PIAS4: variants seen among roughly 807,000 people sequenced by gnomAD.
The protein encoded by PIAS4 is E3 SUMO-protein ligase PIAS4.
Under a neutral mutation model 58.0 loss-of-function variants are expected in PIAS4, and 7 were observed. The ratio of observed to expected loss-of-function variants is 0.12; its 90% CI spans 0.07 to 0.23. PIAS4 has a LOEUF of 0.23. PIAS4 is among the 10% of genes least tolerant of loss of function. PIAS4 has a pLI of 1.00. For synonymous variants in PIAS4, 364 were observed against 312.4 expected (o/e 1.17, Z -1.74); for missense variants, 550 against 709.5 (o/e 0.78, Z 2.55).
chr19:4,035,869 T>TAACACACACA (rs2040271627), intron 9 of PIAS4, among the ~76,000 whole-genome samples: 1 of 2,510 alleles, frequency 4.0e-4, no homozygotes, highest in African/African-American at 1.3e-3. Flanking sequence ...GTCCACACCG[T>TAACACACACA]CTCACACACA....
At chr19:4,016,023 A>G (rs1421531104) in intron 2 of PIAS4, among the ~76,000 whole-genome samples, 1 of 152,208 alleles carries the variant, frequency 6.6e-6, no homozygotes, top group Non-Finnish European at 1.5e-5. Context: ...GAACGGCCCA[A>G]GGTCGCACAG....
Position 4,038,019 on chromosome 19 carries a change from C to A in PIAS4, c.*144C>A. ...CCACCCTTTTGCCTGGCTCCTGGCA[C>A]CTGTACCTCTGGACTCTCCTATCGG... On this transcript the variant is annotated 3_prime_UTR_variant, in exon 11 of 11. Coordinates refer to ENST00000262971, the MANE Select transcript of PIAS4 (RefSeq NM_015897.4). This position sits in a 1 kb window ranked among gnomAD's most constrained non-coding sequence, Gnocchi z 4.1. 4 of 768,902 alleles carry A rather than the reference C, an allele frequency of 5.2e-6. No homozygotes were observed. Among genetic ancestry groups the A allele is most frequent in the Non-Finnish European group, 8.2e-6 (4 of 485,432 alleles). The allele number at this position is 768,902 out of a possible 1,614,324, so 47.6% of individuals were successfully genotyped here.
Position 4,038,022 on chromosome 19 carries a change from G to A in PIAS4, c.*147G>A. 1.3e-6 allele frequency: 1 copy of A among 749,020 alleles called. No individual in the cohort carries two copies. Among genetic ancestry groups the A allele is most frequent in the Non-Finnish European group, 2.1e-6 (1 of 468,116 alleles). The allele number at this position is 749,020 out of a possible 1,614,324, so 46.4% of individuals were successfully genotyped here. ...CCCTTTTGCCTGGCTCCTGGCACCT[G>A]TACCTCTGGACTCTCCTATCGGGGG... On this transcript the variant is annotated 3_prime_UTR_variant, in exon 11 of 11. Transcript: ENST00000262971. This position sits in a 1 kb window ranked among gnomAD's most constrained non-coding sequence, Gnocchi z 4.1.
At chr19:4,014,623 C>T (rs1012710891) in intron 2 of PIAS4, among the ~76,000 whole-genome samples, 2 of 152,228 alleles carry the variant, frequency 1.3e-5, no homozygotes, top group Admixed American at 6.5e-5. Context: ...GCGTGATGGG[C>T]ACCAGGCGTG....
Position 4,023,784 on chromosome 19 carries a change from C to T in PIAS4, c.455-252C>T, listed in dbSNP as rs143947473. 9.8e-4 allele frequency among the ~76,000 whole-genome samples: 149 copies of T among 152,316 alleles called. 1 individual carries two copies. Among genetic ancestry groups the T allele is most frequent in the Middle Eastern group, 6.8e-3 (2 of 294 alleles). On this transcript the variant is annotated intron_variant, in intron 2 of 10. Coordinates refer to ENST00000262971, the MANE Select transcript of PIAS4 (RefSeq NM_015897.4). ...GTAGACGCCTGCATCCCACAGGCTG[C>T]GAAGGTCACCCAGCAATCTGAGTGG...
In PIAS4 at chr19:4,037,592, G is replaced by A; in HGVS notation, c.1274-24G>A. 29 of 1,608,004 alleles carry A rather than the reference G, an allele frequency of 1.8e-5. No individual in the cohort carries two copies. The highest frequency in any genetic ancestry group is 2.4e-5 in the Non-Finnish European group (28 of 1,179,758). Reference sequence around the variant, plus strand: ...ATCAGTGGTTGCATCCTAAGTACCTGCACCCTGTCCCTGTTGCCCGTAGGC... The same window carrying A: ...ATCAGTGGTTGCATCCTAAGTACCTACACCCTGTCCCTGTTGCCCGTAGGC... On this transcript the variant is annotated intron_variant, in intron 10 of 10. Coordinates refer to ENST00000262971, the MANE Select transcript of PIAS4 (RefSeq NM_015897.4). This position sits in a 1 kb window ranked among gnomAD's most constrained non-coding sequence, Gnocchi z 5.8.
At position 4,037,074 on chromosome 19, in the gene PIAS4, C is replaced by T. The variant is rs1022398891; in HGVS notation, c.1143-300C>T. On this transcript the variant is annotated intron_variant, in intron 9 of 10. Coordinates refer to ENST00000262971, the MANE Select transcript of PIAS4 (RefSeq NM_015897.4). The surrounding 1 kb of genome is among the most constrained non-coding windows in gnomAD (Gnocchi z 5.8). ...CCAGAGGGGCAGGGTGGGGAGGACCCCTGCAGCTGCCACACTCCCTGCTCT... is the reference window on the plus strand; with the variant it reads ...CCAGAGGGGCAGGGTGGGGAGGACCTCTGCAGCTGCCACACTCCCTGCTCT... Among the ~76,000 whole-genome samples, 15 of 151,698 alleles carry T rather than the reference C, an allele frequency of 9.9e-5. No individual in the cohort carries two copies. Among genetic ancestry groups the T allele is most frequent in the Admixed American group, 6.0e-4 (9 of 14,966 alleles).
In PIAS4 at chr19:4,037,967, CT is replaced by C. The variant is rs2040319543; in HGVS notation, c.*97del. On this transcript the variant is annotated 3_prime_UTR_variant, in exon 11 of 11. Transcript: ENST00000262971. The surrounding 1 kb of genome is among the most constrained non-coding windows in gnomAD (Gnocchi z 5.8). The stretch of plus-strand genomic sequence containing the variant: ...AGAGGGAGGAGTGACCTTTCTTTTT[CT>C]TTTTATTGTCGTTCGTTTTGTTTTT... 1.0e-5 allele frequency: 14 copies of C among 1,357,792 alleles called. No homozygotes were observed. The highest frequency in any genetic ancestry group is 1.4e-5 in the Non-Finnish European group (14 of 1,011,610). The allele number at this position is 1,357,792 out of a possible 1,614,324, so 84.1% of individuals were successfully genotyped here.
At position 4,037,952 on chromosome 19, in the gene PIAS4, G is replaced by A. The variant is rs1568223863; in HGVS notation, c.*77G>A. 2.8e-6 allele frequency: 4 copies of A among 1,424,246 alleles called. No individual in the cohort carries two copies. The East Asian group carries it at 9.8e-5, about 35-fold the overall frequency. The allele number at this position is 1,424,246 out of a possible 1,614,324, so 88.2% of individuals were successfully genotyped here. On this transcript the variant is annotated 3_prime_UTR_variant, in exon 11 of 11. Transcript: ENST00000262971. This position sits in a 1 kb window ranked among gnomAD's most constrained non-coding sequence, Gnocchi z 5.8. Reference sequence around the variant, plus strand: ...GCCAGCCTCGGGCGCAGAGGGAGGAGTGACCTTTCTTTTTCTTTTTATTGT... The same window carrying A: ...GCCAGCCTCGGGCGCAGAGGGAGGAATGACCTTTCTTTTTCTTTTTATTGT...
chr19:4,023,045 C>T (rs957621049), intron 2 of PIAS4, among the ~76,000 whole-genome samples: 1 of 151,432 alleles, frequency 6.6e-6, no homozygotes, highest in Non-Finnish European at 1.5e-5. Context: ...GTGGCTCATG[C>T]CTGTAATCCC....
At chr19:4,027,535 G>C (rs908395014) in intron 3 of PIAS4, among the ~76,000 whole-genome samples, 4 of 145,376 alleles carry the variant, frequency 2.8e-5, no homozygotes, top group Admixed American at 6.8e-5. Flanking sequence ...GGCGTTTCTT[G>C]TTAAAGTTTA....
At chr19:4,011,496 G>A (rs2039991638) in intron 1 of PIAS4, among the ~76,000 whole-genome samples, 1 of 152,240 alleles carries the variant, frequency 6.6e-6, no homozygotes, top group Non-Finnish European at 1.5e-5. Context: ...TTATTTCGCT[G>A]GAGAGGCCCG....
intron 1 of PIAS4, among the ~76,000 whole-genome samples, chr19:4,008,826 T>G (rs2039967139): frequency 2.0e-5 from 3 of 151,190 alleles, no homozygotes; most frequent in Admixed American, 2.0e-4. Context: ...CCAACTTTGG[T>G]TTCTAAGGTC....
At chr19:4,019,291 C>T (rs1307118775) in intron 2 of PIAS4, among the ~76,000 whole-genome samples, 3 of 152,136 alleles carry the variant, frequency 2.0e-5, no homozygotes, top group African/African-American at 7.2e-5. Flanking sequence ...GCCAGTGGCA[C>T]AGCAGTGAGA....
chr19:4,011,014 C>G (rs112368514), intron 1 of PIAS4, among the ~76,000 whole-genome samples: 1 of 152,206 alleles, frequency 6.6e-6, no homozygotes, highest in Non-Finnish European at 1.5e-5. Flanking sequence ...CAGTGGGCCC[C>G]GGCTGCTGCA....
chr19:4,019,943 G>T (rs1214738879), intron 2 of PIAS4, among the ~76,000 whole-genome samples: 1 of 151,302 alleles, frequency 6.6e-6, no homozygotes, highest in South Asian at 2.1e-4. Context: ...TTTTGAAATG[G>T]AGTCTCGCTG....
chr19:4,013,231 C>T lies in PIAS4; in HGVS notation c.336C>T (p.Tyr112=), dbSNP rs2289866. The T allele has an allele frequency of 5.1e-4, 830 of 1,613,540 alleles. 8 individuals carry two copies. In the East Asian group the frequency reaches 0.016, roughly 32 times the overall value. Residue 112 remains tyrosine (Y), a synonymous_variant, in exon 2 of 11, where the codon TAC becomes TAT. Transcript: ENST00000262971. The surrounding 1 kb of genome is among the most constrained non-coding windows in gnomAD (Gnocchi z 5.1). The stretch of plus-strand genomic sequence containing the variant: ...CCAATATTGACTACCCCGTGCTCTA[C>T]GGAAAGTACTTAAACGGACTGGGAC... The part of the protein sequence containing the change: ...AGPNIDYPVL[Y]GKYLNGLGRL...
chr19:4,036,046 A>G (rs2040277677), intron 9 of PIAS4, among the ~76,000 whole-genome samples: 1 of 149,892 alleles, frequency 6.7e-6, no homozygotes, highest in Admixed American at 6.6e-5. Flanking sequence ...CGTCATACAC[A>G]CACACATCTA....
chr19:4,018,618 T>C (rs1160292034), intron 2 of PIAS4: 1 of 152,242 alleles, frequency 6.6e-6, no homozygotes, highest in Non-Finnish European at 1.5e-5. Context: ...CCCGTGGCCT[T>C]GGATGCTGGG....
Sources: gnomAD v4.1 joint callset for allele counts (sites outside exome capture counted in the v4.1 genomes callset) on GRCh38, gnomAD v4.1.1 for gene constraint, Gnocchi (gnomAD v3.1) non-coding constraint, MANE v1.5 for transcripts, NCBI Gene and HGNC (gene_info 2026-07-23, HGNC 2026-07-21) for gene names.